MYO5B: variants seen among roughly 807,000 people sequenced by gnomAD.
The protein encoded by MYO5B is unconventional myosin-Vb.
MYO5B carries 143 observed loss-of-function variants against 229.3 expected under a neutral mutation model. The observed-to-expected ratio is 0.62, with a 90% CI of 0.54 to 0.72. The LOEUF is 0.72. MYO5B is among the 30% of genes least tolerant of loss of function. MYO5B has a pLI of 0.00. For synonymous variants in MYO5B, 918 were observed against 885.2 expected (o/e 1.04, Z -0.66); for missense variants, 2,321 against 2,331.0 (o/e 1.00, Z 0.09).
chr18:49,957,142 CAAAAAAAAAAA>C (rs71169467), intron 12 of MYO5B, among the ~76,000 whole-genome samples: 1 of 58,736 alleles, frequency 1.7e-5, no homozygotes, highest in Non-Finnish European at 2.9e-5. Context: ...AATAAAGTAG[CAAAAAAAAAAA>C]AAAAAAAAAA....
intron 1 of MYO5B, among the ~76,000 whole-genome samples, chr18:50,173,453 G>A (rs140951386): frequency 3.3e-5 from 5 of 152,300 alleles, no homozygotes; most frequent in Non-Finnish European, 7.4e-5. Flanking sequence ...CAAAAGAGGA[G>A]TGACAGAGCC....
intron 1 of MYO5B, among the ~76,000 whole-genome samples, chr18:50,113,044 T>C (rs2031894662): frequency 6.6e-6 from 1 of 152,150 alleles, no homozygotes; most frequent in African/African-American, 2.4e-5. Flanking sequence ...CACTTTCTCA[T>C]CTCCAAGAAT....
In MYO5B at chr18:50,059,799, C is replaced by T. The variant is rs12605121; in HGVS notation, c.28-4421G>A. ...GGCTGTTTACCCAATGTCATCCATA[C>T]TGCATATAATGAGAAATTTATAGAT... On this transcript the variant is annotated intron_variant, in intron 1 of 39. Coordinates refer to ENST00000285039, the MANE Select transcript of MYO5B (RefSeq NM_001080467.3). 3.7e-3 allele frequency among the ~76,000 whole-genome samples: 571 copies of T among 152,312 alleles called. 17 individuals carry two copies. The East Asian group carries it at 0.071, about 19-fold the overall frequency.
chr18:49,873,149 T>A (rs534408109), intron 26 of MYO5B, among the ~76,000 whole-genome samples: 2 of 152,348 alleles, frequency 1.3e-5, no homozygotes, highest in East Asian at 3.9e-4. Flanking sequence ...ATTTCTGGAA[T>A]AACAACTCAC....
At chr18:49,916,869 G>C (rs1036982736) in intron 17 of MYO5B, among the ~76,000 whole-genome samples, 1 of 152,170 alleles carries the variant, frequency 6.6e-6, no homozygotes, top group Admixed American at 6.5e-5. Flanking sequence ...CCCAAGAAAG[G>C]CTCCCTCACC....
intron 1 of MYO5B, among the ~76,000 whole-genome samples, chr18:50,077,501 A>AC (rs1491546510): frequency 8.5e-4 from 102 of 120,356 alleles, no homozygotes; most frequent in Middle Eastern, 7.5e-3. Context: ...ACACACACAC[A>AC]AACACACACA....
At chr18:49,931,388 C>A (rs1168508158) in intron 16 of MYO5B, among the ~76,000 whole-genome samples, 1 of 152,188 alleles carries the variant, frequency 6.6e-6, no homozygotes, top group Admixed American at 6.5e-5. Context: ...CTTTCCACAC[C>A]CATCTTCTCC....
At chr18:50,015,329 C>T (rs934870262) in intron 4 of MYO5B, among the ~76,000 whole-genome samples, 1 of 152,140 alleles carries the variant, frequency 6.6e-6, no homozygotes, top group African/African-American at 2.4e-5. Flanking sequence ...TTTATTTGAC[C>T]ACTCCTTTGG....
In MYO5B at chr18:49,857,388, T is replaced by C. The variant is rs557269149; in HGVS notation, c.3945-498A>G. ...GAGCAGGCTCATGGTGGGGAACACATTGCATCTGCAGAGCAGCATGGGAAG... is the reference window on the plus strand; with the variant it reads ...GAGCAGGCTCATGGTGGGGAACACACTGCATCTGCAGAGCAGCATGGGAAG... On this transcript the variant is annotated intron_variant, in intron 29 of 39. Transcript: ENST00000285039. Among the ~76,000 whole-genome samples the C allele has an allele frequency of 2.3e-3, 349 of 152,158 alleles. 1 individual carries two copies. Among genetic ancestry groups the C allele is most frequent in the Non-Finnish European group, 4.3e-3 (291 of 67,998 alleles).
chr18:49,835,825 C>T (rs1470457509), intron 38 of MYO5B, among the ~76,000 whole-genome samples: 1 of 152,168 alleles, frequency 6.6e-6, no homozygotes, highest in Non-Finnish European at 1.5e-5. Flanking sequence ...CCTAACTACC[C>T]CCTGTCCCCC....
Position 49,823,318 on chromosome 18 carries a change from A to G in MYO5B, c.*3153T>C, listed in dbSNP as rs544138887. ...AAATTAATTGGAGAAACTGACCACAAATATTCTGTGAAGAACTACAAGGTC... is the reference window on the plus strand; with the variant it reads ...AAATTAATTGGAGAAACTGACCACAGATATTCTGTGAAGAACTACAAGGTC... On this transcript the variant is annotated 3_prime_UTR_variant, in exon 40 of 40. Transcript: ENST00000285039. 27 of 152,386 alleles carry G rather than the reference A, an allele frequency of 1.8e-4. No individual in the cohort carries two copies. The highest frequency in any genetic ancestry group is 3.9e-4 in the Admixed American group (6 of 15,308). The allele number at this position is 152,386 out of a possible 1,614,324, so 9.4% of individuals were successfully genotyped here.
intron 1 of MYO5B, among the ~76,000 whole-genome samples, chr18:50,059,508 T>C (rs923610359): frequency 6.6e-6 from 1 of 152,180 alleles, no homozygotes; most frequent in African/African-American, 2.4e-5. Context: ...GAAAAGGATT[T>C]TGTATATGCA....
chr18:49,945,585 A>T (rs1205662558), intron 14 of MYO5B, among the ~76,000 whole-genome samples: 1 of 152,062 alleles, frequency 6.6e-6, no homozygotes, highest in Non-Finnish European at 1.5e-5. Context: ...AACACATTCC[A>T]ACCAACAGCC....
At chr18:49,916,944 C>T (rs1442145569) in intron 17 of MYO5B, among the ~76,000 whole-genome samples, 2 of 152,176 alleles carry the variant, frequency 1.3e-5, no homozygotes, top group African/African-American at 2.4e-5. Flanking sequence ...AAAAATAGAA[C>T]TTTTTAAAGG....
intron 1 of MYO5B, among the ~76,000 whole-genome samples, chr18:50,139,291 C>T (rs2032382398): frequency 1.3e-5 from 2 of 152,194 alleles, no homozygotes; most frequent in South Asian, 4.1e-4. Context: ...CTCAGTCATG[C>T]TACAAAGTGG....
At chr18:49,935,804 C>T (rs1181225482) in intron 16 of MYO5B, among the ~76,000 whole-genome samples, 1 of 152,170 alleles carries the variant, frequency 6.6e-6, no homozygotes, top group East Asian at 1.9e-4. Flanking sequence ...GTGGATAATT[C>T]TGGAAGCTTA....
intron 13 of MYO5B, 131 bp downstream of exon 13, chr18:49,954,182 A>C: frequency 1.4e-6 from 2 of 1,380,896 alleles, no homozygotes; most frequent in Non-Finnish European, 2.0e-6. Flanking sequence ...AAGAGGATGG[A>C]AGGGGAACCT....
rs551971891 is a variant in MYO5B at position 49,904,836 on chromosome 18, G to A, written c.2415-8C>T. The A allele has an allele frequency of 1.2e-6, 2 of 1,613,388 alleles. No individual in the cohort carries two copies. Among genetic ancestry groups the A allele is most frequent in the South Asian group, 1.1e-5 (1 of 91,066 alleles). On this transcript the variant is annotated splice_region_variant and splice_polypyrimidine_tract_variant and intron_variant, in intron 19 of 39. Coordinates refer to ENST00000285039, the MANE Select transcript of MYO5B (RefSeq NM_001080467.3). The stretch of plus-strand genomic sequence containing the variant: ...CGCAGGTGCTCAGCCAGCCTGGGGA[G>A]CAAGAGGAAACAGGCAGTGTCAGGG...
At chr18:50,105,184 C>T (rs1049645667) in intron 1 of MYO5B, among the ~76,000 whole-genome samples, 6 of 148,776 alleles carry the variant, frequency 4.0e-5, no homozygotes, top group Admixed American at 2.7e-4. Context: ...AGGGTGTAAG[C>T]AAGAGGTCAA....
Sources: allele counts gnomAD v4.1 joint callset (sites outside exome capture counted in the v4.1 genomes callset), GRCh38; gene constraint gnomAD v4.1.1; transcripts MANE v1.5; gene names NCBI Gene and HGNC (gene_info 2026-07-23, HGNC 2026-07-21).